Variants in PVT1 observed in about 807,000 individuals in gnomAD.
PVT1 encodes Pvt1 oncogene, also known as CXCR4/PVT1 fusion.
At chr8:128,076,643 G>A (rs367925804) in intron 5 of PVT1, among the ~76,000 whole-genome samples, 17 of 151,878 alleles carry the variant, frequency 1.1e-4, no homozygotes, top group Admixed American at 5.9e-4. Flanking sequence ...CTGGGCTTCC[G>A]TCTATTGACA....
intron 3 of PVT1, among the ~76,000 whole-genome samples, chr8:127,913,845 CTCTCGCCTGGACA>C (rs1815942007): frequency 6.6e-6 from 1 of 152,064 alleles, no homozygotes; most frequent in Admixed American, 6.6e-5. Flanking sequence ...ATGCCCTTTG[CTCTCGCCTGGACA>C]TCTCCAGGGG....
chr8:128,037,265 G>T (rs1813474769), intron 4 of PVT1, among the ~76,000 whole-genome samples: 1 of 152,226 alleles, frequency 6.6e-6, no homozygotes, highest in South Asian at 2.1e-4. Context: ...AGTTGGTGAT[G>T]GGACATACGC....
intron 2 of PVT1, among the ~76,000 whole-genome samples, chr8:127,837,110 A>G (rs1409427701): frequency 1.3e-5 from 2 of 152,186 alleles, no homozygotes; most frequent in Non-Finnish European, 2.9e-5. Flanking sequence ...AATCTTGTTC[A>G]TGACTGACAA....
In PVT1 at chr8:127,972,495, G is replaced by A. The variant is rs539245083; in HGVS notation, n.783-16667G>A. ...GAATCAGCTTTAAAAATAGCTGTGC[G>A]TTGGGAGACCGAGGTGGTCGGATCA... is the stretch of plus-strand genomic sequence containing the variant. On this transcript the variant is annotated intron_variant and non_coding_transcript_variant, in intron 3 of 10. Transcript: ENST00000651587. 8.2e-4 allele frequency among the ~76,000 whole-genome samples: 125 copies of A among 152,222 alleles called. 1 individual carries two copies. Among genetic ancestry groups the A allele is most frequent in the East Asian group, 3.3e-3 (17 of 5,174 alleles).
chr8:128,033,108 TG>T (rs1813413447), intron 4 of PVT1, among the ~76,000 whole-genome samples: 3 of 152,236 alleles, frequency 2.0e-5, no homozygotes, highest in Non-Finnish European at 4.4e-5. Flanking sequence ...TGAGCTTTGC[TG>T]TCGTCCTTAC....
intron 5 of PVT1, among the ~76,000 whole-genome samples, chr8:128,093,795 G>A (rs1020689820): frequency 2.0e-5 from 3 of 151,850 alleles, no homozygotes; most frequent in Admixed American, 1.3e-4. Context: ...GCGCCACCAC[G>A]CCCAGTTAAT....
At chr8:127,923,978 G>A (rs894077857) in intron 3 of PVT1, among the ~76,000 whole-genome samples, 3 of 152,182 alleles carry the variant, frequency 2.0e-5, no homozygotes, top group African/African-American at 7.2e-5. Flanking sequence ...GGAATTGCTC[G>A]GGGCAGGAGA....
intron 2 of PVT1, among the ~76,000 whole-genome samples, chr8:127,819,248 G>A (rs1050919792): frequency 2.0e-5 from 3 of 152,144 alleles, no homozygotes; most frequent in African/African-American, 7.2e-5. Flanking sequence ...GGAGTCCTGG[G>A]ATCCAAGTGT....
At chr8:128,100,816 T>A (rs998991228) in intron 6 of PVT1, among the ~76,000 whole-genome samples, 11 of 152,184 alleles carry the variant, frequency 7.2e-5, no homozygotes, top group Non-Finnish European at 1.6e-4. Flanking sequence ...ACTCAGCCAC[T>A]TTTGTAAAGC....
chr8:127,825,080 C>T (rs1814771607), intron 2 of PVT1, among the ~76,000 whole-genome samples: 1 of 136,254 alleles, frequency 7.3e-6, no homozygotes, highest in African/African-American at 2.8e-5. Context: ...AGATCATGCA[C>T]TGCACTTCAG....
intron 2 of PVT1, among the ~76,000 whole-genome samples, chr8:127,813,235 T>TATATATAATATATACAAAC (rs1814621134): frequency 6.9e-6 from 1 of 144,392 alleles, no homozygotes; most frequent in African/African-American, 2.5e-5. Flanking sequence ...TATATACAAA[T>TATATATAATATATACAAAC]ATATAATATA....
intron 3 of PVT1, among the ~76,000 whole-genome samples, chr8:127,901,421 T>C (rs1815757001): frequency 6.6e-6 from 1 of 152,112 alleles, no homozygotes; most frequent in African/African-American, 2.4e-5. Flanking sequence ...AGGCACATTT[T>C]AGGAAAGGCA....
At chr8:127,835,717 A>T (rs191081754) in intron 2 of PVT1, among the ~76,000 whole-genome samples, 2 of 152,306 alleles carry the variant, frequency 1.3e-5, no homozygotes, top group East Asian at 3.9e-4. Context: ...GATCGAGTGA[A>T]TGAGCATTCT....
Position 127,836,571 on chromosome 8 carries a change from G to A in PVT1, n.372+40500G>A, listed in dbSNP as rs538199524. ...TGGAAGAAAATGGAATGTCCTTGTT[G>A]GAGCTGGCCAGAACTGGGCAGATCC... On this transcript the variant is annotated intron_variant and non_coding_transcript_variant, in intron 2 of 10. Transcript: ENST00000651587. Among the ~76,000 whole-genome samples the A allele has an allele frequency of 5.3e-5, 8 of 152,286 alleles. No individual in the cohort carries two copies. The East Asian group carries it at 1.2e-3, about 22-fold the overall frequency.
intron 2 of PVT1, among the ~76,000 whole-genome samples, chr8:127,881,825 C>T (rs890199207): frequency 1.3e-5 from 2 of 152,120 alleles, no homozygotes; most frequent in African/African-American, 4.8e-5. Flanking sequence ...GCAACCTCCA[C>T]TGACTTCCTG....
intron 2 of PVT1, among the ~76,000 whole-genome samples, chr8:127,854,535 G>A (rs942682753): frequency 7.2e-5 from 11 of 152,112 alleles, no homozygotes; most frequent in East Asian, 3.9e-4. Context: ...TAGGTCTTTC[G>A]CGCCCTGGTC....
At chr8:127,929,641 G>A (rs1171940710) in intron 3 of PVT1, among the ~76,000 whole-genome samples, 6 of 152,112 alleles carry the variant, frequency 3.9e-5, no homozygotes, top group Non-Finnish European at 5.9e-5. Flanking sequence ...GGTGGCGGGC[G>A]CCTGTAGTCC....
chr8:127,832,676 G>A (rs901308301), intron 2 of PVT1, among the ~76,000 whole-genome samples: 5 of 152,148 alleles, frequency 3.3e-5, no homozygotes, highest in Admixed American at 6.5e-5. Context: ...GGCTAACATG[G>A]TGAAACCCCA....
intron 2 of PVT1, among the ~76,000 whole-genome samples, chr8:127,867,853 A>G (rs1430554245): frequency 6.6e-6 from 1 of 152,060 alleles, no homozygotes; most frequent in Non-Finnish European, 1.5e-5. Flanking sequence ...CCCCCTAATA[A>G]AATCACTGTT....
Sources: allele counts gnomAD v4.1 joint callset (sites outside exome capture counted in the v4.1 genomes callset), GRCh38; gene constraint gnomAD v4.1.1; transcripts MANE v1.5; gene names NCBI Gene and HGNC (gene_info 2026-07-23, HGNC 2026-07-21).